ANK1: variants seen among roughly 807,000 people sequenced by gnomAD.
ANK1 encodes the protein ankyrin-1.
ANK1 carries 51 observed loss-of-function variants against 210.4 expected under a neutral mutation model. That is an observed-to-expected ratio of 0.24 (90% CI 0.19 to 0.31). ANK1 has a LOEUF of 0.31. ANK1 is among the 10% of genes least tolerant of loss of function. The pLI is 1.00. For missense variants in ANK1, 2,051 were observed against 2,504.4 expected (o/e 0.82, Z 3.86); for synonymous variants, 967 against 1,025.9 (o/e 0.94, Z 1.10).
intron 1 of ANK1, among the ~76,000 whole-genome samples, chr8:41,812,871 C>T (rs776985824): frequency 3.5e-4 from 54 of 152,272 alleles, no homozygotes; most frequent in Middle Eastern, 3.4e-3. Flanking sequence ...CATTCGCTGA[C>T]CTGACAGGAG....
intron 29 of ANK1, 21 bp from the exon 30 acceptor site, chr8:41,693,222 G>C: frequency 6.5e-7 from 1 of 1,549,816 alleles, no homozygotes; most frequent in Non-Finnish European, 8.9e-7. Context: ...GGCAGAAATG[G>C]GGCTGGGGAC....
At chr8:41,757,258 A>G (rs112568493) in intron 2 of ANK1, among the ~76,000 whole-genome samples, 15 of 152,390 alleles carry the variant, frequency 9.8e-5, no homozygotes, top group African/African-American at 3.1e-4. Flanking sequence ...AAAAGTCGCA[A>G]TGGATAACTG....
At chr8:41,745,767 A>G (rs1255713730) in intron 2 of ANK1, among the ~76,000 whole-genome samples, 1 of 152,166 alleles carries the variant, frequency 6.6e-6, no homozygotes, top group Non-Finnish European at 1.5e-5. Context: ...GGCTATTCAC[A>G]GGGGAGATCA....
rs35341809 is a variant in ANK1 at position 41,856,874 on chromosome 8, C to CTTTTT, written c.126+39476_126+39480dup. ...TTTCGCCTTGGTGCTTAACAGCCCT[C>CTTTTT]TTTTTTTTTTTTTTTTTTTTTTTTT... On this transcript the variant is annotated intron_variant, in intron 1 of 42. Transcript: ENST00000265709. 7.1e-3 allele frequency among the ~76,000 whole-genome samples: 679 copies of CTTTTT among 95,242 alleles called. 38 individuals are homozygous for CTTTTT. Among genetic ancestry groups the CTTTTT allele is most frequent in the African/African-American group, 0.031 (644 of 20,808 alleles). 62.5% of individuals were successfully genotyped at this position (95,242 alleles called of 152,430 possible).
intron 5 of ANK1, 127 bp from the exon 6 acceptor site, chr8:41,726,073 A>C: frequency 4.7e-6 from 5 of 1,061,836 alleles, no homozygotes; most frequent in South Asian, 1.4e-5. Context: ...ACCTCCACCA[A>C]AGCCCTCTTC....
chr8:41,875,223 C>G (rs1563947236), intron 1 of ANK1, among the ~76,000 whole-genome samples: 1 of 152,220 alleles, frequency 6.6e-6, no homozygotes, highest in African/African-American at 2.4e-5. Flanking sequence ...TCTTGTCCCC[C>G]ACAGGAGACC....
intron 31 of ANK1, among the ~76,000 whole-genome samples, chr8:41,692,059 C>CTT (rs76005004): frequency 7.1e-6 from 1 of 140,836 alleles, no homozygotes. Flanking sequence ...CTGGCTAGCA[C>CTT]TTTTTTTTTT....
At position 41,684,639 on chromosome 8, in the gene ANK1, T is replaced by C. The variant is rs779595785; in HGVS notation, c.4442A>G (p.Asn1481Ser). Residue 1481 changes from asparagine to serine, a missense_variant, in exon 37 of 43, where the codon AAC becomes AGC. Around this residue, in one of 6 missense-constraint regions of ANK1, gnomAD observed 496 missense variants for 533.4 expected, o/e 0.93. Transcript: ENST00000289734. ...LQSIDRGEIV[N>S]MLEGSGRQSR... ...CTGTCGGCCGGAACCCTCCAGCATG[T>C]TCACGATCTCGCCACGGTCAATGCT... The C allele has an allele frequency of 2.5e-6, 4 of 1,613,886 alleles. No homozygotes were observed. The South Asian group carries it at 4.4e-5, about 18-fold the overall frequency.
chr8:41,868,213 A>G (rs1222212358), intron 1 of ANK1, among the ~76,000 whole-genome samples: 1 of 152,236 alleles, frequency 6.6e-6, no homozygotes, highest in East Asian at 1.9e-4. Context: ...AGGGTTTCTC[A>G]ACCTCAGCAC....
chr8:41,677,906 C>G (rs1293327900), intron 37 of ANK1, among the ~76,000 whole-genome samples: 1 of 152,040 alleles, frequency 6.6e-6, no homozygotes, highest in Non-Finnish European at 1.5e-5. Context: ...TGTGTTGTTT[C>G]TAATAAGAAA....
At position 41,704,054 on chromosome 8, in the gene ANK1, T is replaced by C. The variant is rs1823861733; in HGVS notation, c.2282A>G (p.Asn761Ser). Residue 761 changes from asparagine to serine, a missense_variant, in exon 20 of 43, where the codon AAC becomes AGC. Asn to Ser is a conservative substitution (Grantham distance 46, BLOSUM62 1). Around this residue, in one of 6 missense-constraint regions of ANK1, gnomAD observed 1,413 missense variants for 1,707.4 expected, o/e 0.83. Transcript: ENST00000289734. The surrounding 1 kb of genome is among the most constrained non-coding windows in gnomAD (Gnocchi z 4.1). ...GAGTGTACTCACCGAGCTGACCTCG[T>C]TTGGGGAAGCACCGTTTTTCAGAAG... The part of the protein sequence containing the change: ...TLLLKNGASP[N>S]EVSSDGTTPL... 1.9e-6 allele frequency: 3 copies of C among 1,613,940 alleles called. No homozygotes were observed. The highest frequency in any genetic ancestry group is 1.7e-6 in the Non-Finnish European group (2 of 1,179,930).
intron 1 of ANK1, among the ~76,000 whole-genome samples, chr8:41,886,665 G>GC (rs1164522072): frequency 1.3e-5 from 2 of 152,204 alleles, no homozygotes; most frequent in African/African-American, 4.8e-5. Flanking sequence ...AGATCTAAAA[G>GC]CAAGTGAAGG....
At chr8:41,749,667 C>T (rs1169755079) in intron 2 of ANK1, among the ~76,000 whole-genome samples, 1 of 150,802 alleles carries the variant, frequency 6.6e-6, no homozygotes, top group Non-Finnish European at 1.5e-5. Context: ...GGCTGGAGTG[C>T]AATGGTGCGA....
At chr8:41,753,474 G>A (rs767212951) in intron 2 of ANK1, among the ~76,000 whole-genome samples, 25 of 152,044 alleles carry the variant, frequency 1.6e-4, no homozygotes, top group Non-Finnish European at 3.4e-4. Context: ...GGTGCAGCTG[G>A]TTAGCACACA....
intron 16 of ANK1, among the ~76,000 whole-genome samples, chr8:41,712,931 G>A (rs1272016003): frequency 6.6e-6 from 1 of 152,168 alleles, no homozygotes; most frequent in Non-Finnish European, 1.5e-5. Context: ...GCGGGGCCGT[G>A]TGCTCCCTCT....
At chr8:41,713,226 T>C (rs766971597) in intron 16 of ANK1, among the ~76,000 whole-genome samples, 2 of 152,210 alleles carry the variant, frequency 1.3e-5, no homozygotes, top group Admixed American at 6.5e-5. Context: ...CTGTTTCCCG[T>C]GCGCCTGGCT....
At chr8:41,770,600 G>A (rs901562146) in intron 1 of ANK1, among the ~76,000 whole-genome samples, 1 of 152,242 alleles carries the variant, frequency 6.6e-6, no homozygotes, top group Non-Finnish European at 1.5e-5. Context: ...ACAGCACTCT[G>A]AGTGTAATGG....
chr8:41,769,437 C>T (rs1842565854), intron 1 of ANK1, among the ~76,000 whole-genome samples: 2 of 152,156 alleles, frequency 1.3e-5, no homozygotes, highest in Admixed American at 6.5e-5. Context: ...ACTGGAACAT[C>T]CCTGATCACA....
At chr8:41,683,266 A>G (rs531900558) in intron 37 of ANK1, among the ~76,000 whole-genome samples, 4 of 152,310 alleles carry the variant, frequency 2.6e-5, no homozygotes, top group Admixed American at 6.5e-5. Context: ...CGATAGCGTG[A>G]GTGCACAGAG....
Sources: allele counts gnomAD v4.1 joint callset (sites outside exome capture counted in the v4.1 genomes callset), GRCh38; gene constraint gnomAD v4.1.1; regional missense constraint gnomAD v4.1.1; non-coding constraint Gnocchi (gnomAD v3.1); transcripts MANE v1.5; gene names NCBI Gene and HGNC (gene_info 2026-07-23, HGNC 2026-07-21).